ATM: variants seen among roughly 807,000 people sequenced by gnomAD.
The protein encoded by ATM is serine-protein kinase ATM.
A neutral mutation model predicts 387.0 loss-of-function variants in ATM; 308 were observed. The observed-to-expected ratio is 0.80, with a 90% confidence interval of 0.73 to 0.87. The LOEUF (loss-of-function observed/expected upper bound fraction) is 0.87, where lower values mean the gene tolerates loss of function less well. ATM is among the 40% of genes least tolerant of loss of function. The pLI is 0.00. For synonymous variants in ATM, 1,156 were observed against 1,187.3 expected, an observed-to-expected ratio of 0.97 and a Z score of 0.54; for missense variants, 3,312 against 3,560.9, an observed-to-expected ratio of 0.93 and a Z score of 1.78.
intron 13 of ATM, among the ~76,000 whole-genome samples, chr11:108,254,811 G>C (rs1591537422): frequency 6.6e-6 from 1 of 152,016 alleles, no homozygotes; most frequent in South Asian, 2.1e-4. Flanking sequence ...ACCACGCCCA[G>C]GTAATTTTTG....
At chr11:108,246,608 C>T (rs600931) in intron 7 of ATM, among the ~76,000 whole-genome samples, 79,928 of 152,008 alleles carry the variant, frequency 0.53, 21,860 homozygotes, top group Middle Eastern at 0.76. Context: ...TGAAGGAACT[C>T]GTAATATTTT....
chr11:108,348,246 AAAAG>A (rs993914797), intron 59 of ATM, among the ~76,000 whole-genome samples: 2 of 151,884 alleles, frequency 1.3e-5, no homozygotes, highest in African/African-American at 2.4e-5. Context: ...AGTTTAATAT[AAAAG>A]AAAGAGAATA....
At chr11:108,265,924 C>T (rs1367646248) in intron 16 of ATM, among the ~76,000 whole-genome samples, 1 of 146,838 alleles carries the variant, frequency 6.8e-6, no homozygotes, top group Non-Finnish European at 1.5e-5. Flanking sequence ...CAAATCAAAA[C>T]CACAATGAGA....
chr11:108,262,233 G>C (rs1337737559), intron 16 of ATM, among the ~76,000 whole-genome samples: 1 of 152,224 alleles, frequency 6.6e-6, no homozygotes, highest in Non-Finnish European at 1.5e-5. Context: ...CAGCCAGAGA[G>C]AAAGGTCGGG....
rs377619371 is a variant in ATM at position 108,266,548 on chromosome 11, G to A, written c.2467-623G>A. On this transcript the variant is annotated intron_variant, in intron 16 of 62. Transcript: ENST00000675843. ...ATACCTAATGCTAGATGACGAGTTAGTGGGTGCAGCACACCAGCATGGCAC... is the reference window on the plus strand; with the variant it reads ...ATACCTAATGCTAGATGACGAGTTAATGGGTGCAGCACACCAGCATGGCAC... 2.1e-4 allele frequency among the ~76,000 whole-genome samples: 32 copies of A among 151,246 alleles called. 1 individual carries two copies. The highest frequency in any genetic ancestry group is 1.3e-3 in the South Asian group (6 of 4,770).
At chr11:108,224,845 C>T (rs775835177) in intron 1 of ATM, 1 of 152,186 alleles carries the variant, frequency 6.6e-6, no homozygotes, top group African/African-American at 2.4e-5. Flanking sequence ...TATTGTCACC[C>T]TGCTGCCCAG....
intron 47 of ATM, chr11:108,327,441 A>G (rs2085783826): frequency 5.9e-6 from 3 of 512,388 alleles, no homozygotes; most frequent in South Asian, 4.1e-5. Context: ...AATAATGGCA[A>G]TAATAATAAT....
intron 7 of ATM, among the ~76,000 whole-genome samples, chr11:108,245,859 C>T (rs2079823995): frequency 7.1e-6 from 1 of 141,068 alleles, no homozygotes; most frequent in South Asian, 2.3e-4. Flanking sequence ...GAGTCTCACT[C>T]TGTCGCCCAG....
chr11:108,363,152 T>G (rs1459529105), intron 61 of ATM, among the ~76,000 whole-genome samples: 1 of 152,160 alleles, frequency 6.6e-6, no homozygotes, highest in Non-Finnish European at 1.5e-5. Flanking sequence ...CTTTCTGCCT[T>G]CAGCTTTAGG....
At chr11:108,272,933 G>C (rs2135574989) in intron 22 of ATM, 81 bp downstream of exon 22, 1 of 1,569,664 alleles carries the variant, frequency 6.4e-7, no homozygotes, top group South Asian at 1.1e-5. Flanking sequence ...GCTCACAGTT[G>C]CAATATTAAA....
chr11:108,250,318 A>G (rs1227967735), intron 9 of ATM, among the ~76,000 whole-genome samples: 1 of 151,866 alleles, frequency 6.6e-6, no homozygotes, highest in Non-Finnish European at 1.5e-5. Flanking sequence ...ATGCCCGGCT[A>G]ATTTTTGTAT....
chr11:108,238,298 C>G (rs1282509189), intron 5 of ATM, among the ~76,000 whole-genome samples: 1 of 151,646 alleles, frequency 6.6e-6, no homozygotes, highest in East Asian at 1.9e-4. Context: ...TGTAAATTGA[C>G]AATTTTTTTT....
rs146531614 is a variant in ATM at position 108,271,343 on chromosome 11, A to G, written c.3014A>G (p.Asn1005Ser). Residue 1005 changes from asparagine (N) to serine (S), a missense_variant, in exon 20 of 63, where the codon AAT (asparagine) becomes AGT (serine). Physicochemically the swap from Asn to Ser is conservative, Grantham distance 46. Transcript: ENST00000675843. ...LHVVKNLGQS[N>S]MDSENTRDAQ... ...GTAGTGAAAAACCTAGGTCAAAGCA[A>G]TATGGACTCTGAGAACACAAGGGAT... 2.0e-4 allele frequency: 318 copies of G among 1,613,950 alleles called. 1 individual carries two copies. Among genetic ancestry groups the G allele is most frequent in the Admixed American group, 3.0e-4 (18 of 60,000 alleles).
At chr11:108,254,484 A>G (rs1284145122) in intron 13 of ATM, among the ~76,000 whole-genome samples, 1 of 152,122 alleles carries the variant, frequency 6.6e-6, no homozygotes, top group Non-Finnish European at 1.5e-5. Flanking sequence ...TCATCTAGGA[A>G]TTTCCTTTAG....
At chr11:108,331,856 A>C (rs2086281274) in intron 51 of ATM, 23 bp from the exon 52 acceptor site, 1 of 1,611,308 alleles carries the variant, frequency 6.2e-7, no homozygotes, top group East Asian at 2.2e-5. Context: ...ATTTGCATAA[A>C]TCTAATAGTT....
chr11:108,320,174 T>TGG, intron 44 of ATM, 116 bp downstream of exon 44: 4 of 780,736 alleles, frequency 5.1e-6, no homozygotes, highest in Non-Finnish European at 8.6e-6. Context: ...GATAAAGACT[T>TGG]GGTGGCTGTG....
At chr11:108,282,910 GT>G in intron 25 of ATM, 31 bp downstream of exon 25, 1 of 1,409,150 alleles carries the variant, frequency 7.1e-7, no homozygotes, top group South Asian at 1.2e-5. Flanking sequence ...TGTGAAATTT[GT>G]TTAATTTAAA....
chr11:108,360,636 T>A (rs1275129104), intron 61 of ATM, among the ~76,000 whole-genome samples: 3 of 149,590 alleles, frequency 2.0e-5, no homozygotes, highest in Non-Finnish European at 4.4e-5. Flanking sequence ...TCAAGGCTGG[T>A]TCAATATATG....
chr11:108,339,080 CAGAG>C (rs1277625872), intron 56 of ATM, among the ~76,000 whole-genome samples: 5 of 152,150 alleles, frequency 3.3e-5, no homozygotes, highest in Non-Finnish European at 4.4e-5. Context: ...TATCTCTTGT[CAGAG>C]AGAATCAGAT....
Sources: gnomAD v4.1 joint callset for allele counts (sites outside exome capture counted in the v4.1 genomes callset) on GRCh38, gnomAD v4.1.1 for gene constraint, MANE v1.5 for transcripts, NCBI Gene and HGNC (gene_info 2026-07-23, HGNC 2026-07-21) for gene names.